ZBTB20: variants seen among roughly 807,000 people sequenced by gnomAD.
The protein encoded by ZBTB20 is zinc finger and BTB domain-containing protein 20.
A neutral mutation model predicts 56.9 loss-of-function variants in ZBTB20; 9 were observed. The ratio of observed to expected loss-of-function variants is 0.16; its 90% CI spans 0.10 to 0.28. The LOEUF (loss-of-function observed/expected upper bound fraction) is 0.28, where lower values mean the gene tolerates loss of function less well. Ranked by LOEUF, ZBTB20 falls within the 10% of genes least tolerant of loss-of-function variation. The pLI is 1.00. For missense variants in ZBTB20, 655 were observed against 1,003.0 expected (o/e 0.65, Z 4.69); for synonymous variants, 417 against 420.7 (o/e 0.99, Z 0.11).
At chr3:114,380,079 A>C (rs2084130349) in intron 10 of ZBTB20, 138 bp downstream of exon 10, 1 of 925,794 alleles carries the variant, frequency 1.1e-6, no homozygotes, top group Non-Finnish European at 1.5e-6. Context: ...GCTGAATGAA[A>C]ATGGTGGCAC....
chr3:114,982,411 C>A (rs1274299170), intron 2 of ZBTB20, among the ~76,000 whole-genome samples: 1 of 152,050 alleles, frequency 6.6e-6, no homozygotes, highest in African/African-American at 2.4e-5. Context: ...ATCCTCTTGG[C>A]AGATTGCTAC....
intron 4 of ZBTB20, among the ~76,000 whole-genome samples, chr3:114,807,911 T>C (rs182791871): frequency 5.8e-4 from 89 of 152,248 alleles, no homozygotes; most frequent in Non-Finnish European, 2.1e-4. Flanking sequence ...TTGTTGAGTT[T>C]TGGTGTCTAT....
At chr3:114,576,493 C>T (rs1191109017) in intron 6 of ZBTB20, among the ~76,000 whole-genome samples, 8 of 57,200 alleles carry the variant, frequency 1.4e-4, no homozygotes, top group Admixed American at 2.8e-4. Context: ...CAGAGCAAGA[C>T]TCCGTCTCAA....
At chr3:114,777,077 C>T (rs2069662925) in intron 5 of ZBTB20, among the ~76,000 whole-genome samples, 1 of 151,992 alleles carries the variant, frequency 6.6e-6, no homozygotes, top group African/African-American at 2.4e-5. Flanking sequence ...CTATATTTGG[C>T]ACATATATAC....
At chr3:114,842,820 G>C (rs908195048) in intron 4 of ZBTB20, among the ~76,000 whole-genome samples, 1 of 152,090 alleles carries the variant, frequency 6.6e-6, no homozygotes, top group Admixed American at 6.6e-5. Context: ...TGCAACATTT[G>C]ATCCAAAAAG....
At chr3:114,937,180 G>A (rs2076564077) in intron 3 of ZBTB20, among the ~76,000 whole-genome samples, 2 of 152,162 alleles carry the variant, frequency 1.3e-5, no homozygotes, top group South Asian at 4.1e-4. Context: ...CTAGATCCTT[G>A]AGGAATCGCC....
chr3:114,515,082 A>G (rs972044138), intron 6 of ZBTB20, among the ~76,000 whole-genome samples: 3 of 152,130 alleles, frequency 2.0e-5, no homozygotes, highest in Non-Finnish European at 4.4e-5. Context: ...AATCCAGTCT[A>G]TGCCCTGTAA....
At chr3:114,863,838 T>A (rs142980568) in intron 4 of ZBTB20, among the ~76,000 whole-genome samples, 1 of 152,002 alleles carries the variant, frequency 6.6e-6, no homozygotes, top group African/African-American at 2.4e-5. Flanking sequence ...CTTCACTCTA[T>A]AAGAAAACCA....
chr3:114,477,774 C>A (rs1346418488), intron 7 of ZBTB20, among the ~76,000 whole-genome samples: 1 of 151,964 alleles, frequency 6.6e-6, no homozygotes, highest in Non-Finnish European at 1.5e-5. Flanking sequence ...GCATTACAGG[C>A]ATGAGCCACC....
chr3:114,556,883 T>G (rs116070761), intron 6 of ZBTB20, among the ~76,000 whole-genome samples: 2 of 152,104 alleles, frequency 1.3e-5, no homozygotes, highest in Non-Finnish European at 2.9e-5. Context: ...TTTTGAGAAT[T>G]AGGAATGTTC....
At position 114,946,994 on chromosome 3, in the gene ZBTB20, A is replaced by G. The variant is rs749366076; in HGVS notation, c.-456+27372T>C. ...CAAATAATCCTATCAAAACGTGGGC[A>G]AAAGACATGAATAGCCATTTTTCAA... On this transcript the variant is annotated intron_variant, in intron 3 of 11. Transcript: ENST00000675478. Among the ~76,000 whole-genome samples the G allele has an allele frequency of 1.8e-4, 26 of 145,738 alleles. 1 individual carries two copies. The highest frequency in any genetic ancestry group is 8.4e-5 in the African/African-American group (3 of 35,770).
chr3:114,641,484 T>C (rs1055497045), intron 6 of ZBTB20, among the ~76,000 whole-genome samples: 5 of 151,738 alleles, frequency 3.3e-5, no homozygotes, highest in African/African-American at 9.7e-5. Flanking sequence ...TTTTCTTATA[T>C]AGATATAAAA....
chr3:115,002,200 G>C (rs975725693), intron 2 of ZBTB20, among the ~76,000 whole-genome samples: 1 of 151,374 alleles, frequency 6.6e-6, no homozygotes, highest in African/African-American at 2.4e-5. Flanking sequence ...TCTAGACACT[G>C]ACATTAAATT....
chr3:114,469,395 C>T (rs2039860289), intron 7 of ZBTB20, among the ~76,000 whole-genome samples: 1 of 152,118 alleles, frequency 6.6e-6, no homozygotes, highest in Non-Finnish European at 1.5e-5. Context: ...TTTAATTTCA[C>T]AAAGAAACAT....
intron 7 of ZBTB20, among the ~76,000 whole-genome samples, chr3:114,451,903 A>G (rs1315089845): frequency 1.3e-5 from 2 of 151,992 alleles, no homozygotes; most frequent in Non-Finnish European, 2.9e-5. Flanking sequence ...CCAGAATGAC[A>G]GCTATCACCT....
At chr3:114,678,576 G>A (rs925271770) in intron 6 of ZBTB20, among the ~76,000 whole-genome samples, 8 of 152,120 alleles carry the variant, frequency 5.3e-5, no homozygotes, top group Non-Finnish European at 1.0e-4. Context: ...ATACGTCGCA[G>A]AATCACTGCA....
Position 114,325,944 on chromosome 3 carries a change from G to A in ZBTB20, c.*13061C>T, listed in dbSNP as rs1433028564. Reference sequence around the variant, plus strand: ...AGGGGTATAGATGGGTGAAGTACTGGCAATGCAGTGCCAATCTCCCTCTGT... The same window carrying A: ...AGGGGTATAGATGGGTGAAGTACTGACAATGCAGTGCCAATCTCCCTCTGT... On this transcript the variant is annotated 3_prime_UTR_variant, in exon 12 of 12. Transcript: ENST00000675478. 2 of 151,948 alleles carry A rather than the reference G, an allele frequency of 1.3e-5. No individual in the cohort carries two copies. Among genetic ancestry groups the A allele is most frequent in the Non-Finnish European group, 2.9e-5 (2 of 67,990 alleles). The allele number at this position is 151,948 out of a possible 1,614,324, so 9.4% of individuals were successfully genotyped here.
chr3:114,642,596 C>T (rs147350663), intron 6 of ZBTB20, among the ~76,000 whole-genome samples: 68 of 152,026 alleles, frequency 4.5e-4, no homozygotes, highest in African/African-American at 1.5e-3. Flanking sequence ...TCCCGACTGC[C>T]GATGTCTAGT....
chr3:114,350,877 C>G lies in ZBTB20; in HGVS notation c.1201G>C (p.Asp401His). ...GGTTGGGTGGGTTCAGCCTGGCTGT[C>G]CCGCGCCGCCCCAGGCCCAAACTGC... ...EQQFGPGAAR[D>H]SQAEPTQPEQ... Residue 401 changes from aspartate to histidine, a missense_variant, in exon 11 of 12, where the codon GAC becomes CAC. Transcript: ENST00000675478. 6.2e-7 allele frequency: 1 copy of G among 1,608,352 alleles called. No homozygotes were observed. The highest frequency in any genetic ancestry group is 1.6e-4 in the Middle Eastern group (1 of 6,062).
Sources: gnomAD v4.1 joint callset for allele counts (sites outside exome capture counted in the v4.1 genomes callset) on GRCh38, gnomAD v4.1.1 for gene constraint, MANE v1.5 for transcripts, NCBI Gene and HGNC (gene_info 2026-07-23, HGNC 2026-07-21) for gene names.